The following MTMR3 variants were observed in gnomAD, a reference collection of about 807,000 sequenced individuals.
The protein encoded by MTMR3 is phosphatidylinositol-3,5-bisphosphate 3-phosphatase MTMR3.
A neutral mutation model predicts 132.4 loss-of-function variants in MTMR3; 32 were observed. The observed-to-expected ratio is 0.24, with a 90% CI of 0.18 to 0.32. The LOEUF (loss-of-function observed/expected upper bound fraction) is 0.32. Ranked by LOEUF, MTMR3 falls within the 10% of genes least tolerant of loss-of-function variation. MTMR3 has a pLI of 1.00. For missense variants in MTMR3, 1,216 were observed against 1,489.6 expected (o/e 0.82, Z 3.02); for synonymous variants, 556 against 550.3 (o/e 1.01, Z -0.14).
intron 1 of MTMR3, among the ~76,000 whole-genome samples, chr22:29,950,126 C>T (rs951680106): frequency 1.3e-5 from 2 of 152,074 alleles, no homozygotes; most frequent in Admixed American, 1.3e-4. Flanking sequence ...AACCTTTTTC[C>T]GAGGCTGGAG....
Position 30,022,419 on chromosome 22 carries a change from G to A in MTMR3, c.3337-190G>A, listed in dbSNP as rs2067786509. Reference sequence around the variant, plus strand: ...TGCTGCTGCCTGCTACTTTATCTCAGGGGAGATTGGAGTCCCCTCCAGGGA... The same window carrying A: ...TGCTGCTGCCTGCTACTTTATCTCAAGGGAGATTGGAGTCCCCTCCAGGGA... On this transcript the variant is annotated intron_variant, in intron 18 of 19. Coordinates refer to ENST00000401950, the MANE Select transcript of MTMR3 (RefSeq NM_021090.4). 8 of 626,648 alleles carry A rather than the reference G, an allele frequency of 1.3e-5. No individual in the cohort carries two copies. The South Asian group carries it at 1.5e-4, about 12-fold the overall frequency. 38.8% of individuals were successfully genotyped at this position (626,648 alleles called of 1,614,324 possible).
intron 1 of MTMR3, among the ~76,000 whole-genome samples, chr22:29,895,768 A>G (rs2064881274): frequency 6.6e-6 from 1 of 152,056 alleles, no homozygotes; most frequent in Admixed American, 6.6e-5. Context: ...CCAGGAGCAG[A>G]CCGCCAAACA....
chr22:29,922,766 A>G (rs2065441637), intron 1 of MTMR3, among the ~76,000 whole-genome samples: 1 of 152,114 alleles, frequency 6.6e-6, no homozygotes, highest in Non-Finnish European at 1.5e-5. Flanking sequence ...TTACATTCCT[A>G]CCAGCAATGC....
At chr22:29,948,352 G>A (rs559987466) in intron 1 of MTMR3, among the ~76,000 whole-genome samples, 22 of 152,200 alleles carry the variant, frequency 1.4e-4, no homozygotes, top group Admixed American at 1.3e-3. Flanking sequence ...GAATCTTTTT[G>A]TTTACAGATG....
chr22:29,988,758 T>A (rs568377995), intron 6 of MTMR3, 196 bp downstream of exon 6: 17 of 334,648 alleles, frequency 5.1e-5, no homozygotes, highest in South Asian at 1.7e-4. Flanking sequence ...TTTTTTTTTT[T>A]AATTTGGAAA....
intron 1 of MTMR3, among the ~76,000 whole-genome samples, chr22:29,893,449 A>G (rs1323987335): frequency 6.6e-6 from 1 of 152,204 alleles, no homozygotes; most frequent in African/African-American, 2.4e-5. Flanking sequence ...TTGCGTACAT[A>G]ATGGTTCCCA....
intron 1 of MTMR3, among the ~76,000 whole-genome samples, chr22:29,946,672 A>G (rs866903663): frequency 3.3e-5 from 5 of 151,902 alleles, no homozygotes; most frequent in Middle Eastern, 3.4e-3. Context: ...CTACCTGCAT[A>G]TTTTTTTTGC....
intron 1 of MTMR3, among the ~76,000 whole-genome samples, chr22:29,922,266 G>A (rs2065432270): frequency 6.6e-6 from 1 of 152,052 alleles, no homozygotes; most frequent in African/African-American, 2.4e-5. Context: ...TGATTCTCCT[G>A]CCTTGACCTC....
At position 29,893,419 on chromosome 22, in the gene MTMR3, A is replaced by G. The variant is rs181030793; in HGVS notation, c.-138+10060A>G. The stretch of plus-strand genomic sequence containing the variant: ...TAGTAGGCTGCTATTTATAAAGGAA[A>G]CATACTCATTAGTTGGTCTTTGCGT... On this transcript the variant is annotated intron_variant, in intron 1 of 19. Coordinates refer to ENST00000401950, the MANE Select transcript of MTMR3 (RefSeq NM_021090.4). 2.0e-4 allele frequency among the ~76,000 whole-genome samples: 30 copies of G among 152,316 alleles called. No homozygotes were observed. In the East Asian group the frequency reaches 5.8e-3, roughly 29 times the overall value.
At chr22:30,001,604 A>G (rs1405404096) in intron 8 of MTMR3, 1 of 152,220 alleles carries the variant, frequency 6.6e-6, no homozygotes, top group Non-Finnish European at 1.5e-5. Flanking sequence ...TCACCACCAT[A>G]AAACAAAATG....
chr22:29,925,476 TA>T (rs2065497167), intron 1 of MTMR3, among the ~76,000 whole-genome samples: 1 of 151,918 alleles, frequency 6.6e-6, no homozygotes, highest in African/African-American at 2.4e-5. Flanking sequence ...CAGAGGCTCT[TA>T]AAAGAGTAAA....
Position 30,013,380 on chromosome 22 carries a change from G to T in MTMR3, c.1342G>T (p.Glu448Ter). 2 of 1,613,948 alleles carry T rather than the reference G, an allele frequency of 1.2e-6. No homozygotes were observed. The highest frequency in any genetic ancestry group is 2.2e-5 in the South Asian group (2 of 91,062). The change falls in exon 14 of 20, where the codon GAG (glutamate) becomes TAG (stop). Residue 448 changes from glutamate (E) to a stop codon, truncating the protein, a stop_gained. Transcript: ENST00000401950. LOFTEE classifies it high-confidence loss of function. ...IEGFQVLVEM[E>*]WLDFGHKFAD... ...GGGTTTCCAGGTCCTCGTGGAAATG[G>T]AGTGGCTGGATTTTGGCCATAAATT...
chr22:29,965,865 G>A lies in MTMR3; in HGVS notation c.-84-5111G>A, dbSNP rs541044423. Among the ~76,000 whole-genome samples, 679 of 152,090 alleles carry A rather than the reference G, an allele frequency of 4.5e-3. 6 individuals are homozygous for A. The highest frequency in any genetic ancestry group is 0.015 in the African/African-American group (641 of 41,464). ...CGGGATGCTTGTGAGAGTTTTTTCAGATTTCTCTGAAAAAAATCTGAAAGA... is the reference window on the plus strand; with the variant it reads ...CGGGATGCTTGTGAGAGTTTTTTCAAATTTCTCTGAAAAAAATCTGAAAGA... On this transcript the variant is annotated intron_variant, in intron 2 of 19. Transcript: ENST00000401950.
intron 1 of MTMR3, among the ~76,000 whole-genome samples, chr22:29,940,124 C>T (rs9680595): frequency 0.16 from 24,443 of 151,990 alleles, 2,119 homozygotes; most frequent in South Asian, 0.25. Context: ...AAAAATTAGC[C>T]GGGCGTGGTG....
chr22:29,926,027 G>A (rs1486869993), intron 1 of MTMR3, among the ~76,000 whole-genome samples: 1 of 152,154 alleles, frequency 6.6e-6, no homozygotes, highest in African/African-American at 2.4e-5. Flanking sequence ...GAGACCTCAT[G>A]CCCTGTAGCA....
At chr22:29,938,010 G>A (rs1399217756) in intron 1 of MTMR3, among the ~76,000 whole-genome samples, 1 of 152,102 alleles carries the variant, frequency 6.6e-6, no homozygotes, top group Admixed American at 6.5e-5. Context: ...TAAACTAGGG[G>A]CTGACAAGAC....
intron 2 of MTMR3, among the ~76,000 whole-genome samples, chr22:29,966,548 A>G (rs2066419027): frequency 6.6e-6 from 1 of 152,176 alleles, no homozygotes; most frequent in Non-Finnish European, 1.5e-5. Context: ...AGTATTATCA[A>G]ATTCTTTTCT....
chr22:29,938,288 C>T (rs1413455551), intron 1 of MTMR3, among the ~76,000 whole-genome samples: 2 of 152,158 alleles, frequency 1.3e-5, no homozygotes, highest in South Asian at 2.1e-4. Flanking sequence ...AGTACCAACC[C>T]GCTTGGTACA....
intron 1 of MTMR3, among the ~76,000 whole-genome samples, chr22:29,919,028 A>G (rs1312835822): frequency 6.6e-6 from 1 of 152,188 alleles, no homozygotes; most frequent in Non-Finnish European, 1.5e-5. Flanking sequence ...TACAGGCCTG[A>G]GCCATTTCAC....
Sources: allele counts gnomAD v4.1 joint callset (sites outside exome capture counted in the v4.1 genomes callset), GRCh38; gene constraint gnomAD v4.1.1; transcripts MANE v1.5; gene names NCBI Gene and HGNC (gene_info 2026-07-23, HGNC 2026-07-21).